ARHGAP6: variants seen among roughly 807,000 people sequenced by gnomAD.
The protein encoded by ARHGAP6 is Rho GTPase activating protein 6.
ARHGAP6 carries 16 observed loss-of-function variants against 55.7 expected under a neutral mutation model. The observed-to-expected ratio is 0.29, with a 90% CI of 0.19 to 0.44. The LOEUF is 0.44. Among genes scored for constraint, ARHGAP6 ranks in the 20% least tolerant of loss-of-function variants. The probability of loss-of-function intolerance (pLI) is 1.00; values close to 1 mark genes in which losing one functional copy is unlikely to be tolerated. For synonymous variants in ARHGAP6, 382 were observed against 360.9 expected (o/e 1.06, Z -0.66); for missense variants, 698 against 808.9 (o/e 0.86, Z 1.66).
At position 11,254,845 on chromosome X, in the gene ARHGAP6, T is replaced by C. The variant is rs1452486728; in HGVS notation, c.589-138A>G. The C allele has an allele frequency of 4.1e-6, 3 of 739,054 alleles. No individual in the cohort carries two copies. In the Admixed American group the frequency reaches 1.2e-4, roughly 30 times the overall value. 60.9% of individuals were successfully genotyped at this position (739,054 alleles called of 1,213,427 possible). A position where few individuals can be genotyped will look rare whatever the true frequency, so the allele number is the denominator to read the frequency against. On this transcript the variant is annotated intron_variant, in intron 1 of 12. Transcript: ENST00000337414. ...CAAAATTGGGTCTCAATTCCCAAAG[T>C]CAAATCCTCTTTTAGTTCACTGTGG...
At chrX:11,216,683 G>A (rs1383331419) in intron 2 of ARHGAP6, among the ~76,000 whole-genome samples, 2 of 108,957 alleles carry the variant, frequency 1.8e-5, no homozygotes, top group African/African-American at 6.8e-5. Context: ...ATGGCATTTT[G>A]TGTAGCATTA....
chrX:11,492,733 AT>A (rs200153252), intron 1 of ARHGAP6, among the ~76,000 whole-genome samples: 20,217 of 111,611 alleles, frequency 0.18, 1,408 homozygotes, highest in Middle Eastern at 0.28. Context: ...GAGAGAAAGA[AT>A]GAACTAGATG....
intron 1 of ARHGAP6, among the ~76,000 whole-genome samples, chrX:11,277,313 C>G (rs1002954707): frequency 2.7e-5 from 3 of 111,228 alleles, no homozygotes; most frequent in Admixed American, 1.9e-4. Flanking sequence ...CACATTTTGA[C>G]TGGTATGAAT....
chrX:11,634,065 T>C (rs2052389924), intron 1 of ARHGAP6, among the ~76,000 whole-genome samples: 1 of 108,164 alleles, frequency 9.2e-6, no homozygotes, highest in Non-Finnish European at 1.9e-5. Context: ...GTTTAAGCCA[T>C]GTGCTTGGCT....
At chrX:11,423,295 A>C (rs2049844192) in intron 1 of ARHGAP6, among the ~76,000 whole-genome samples, 1 of 112,682 alleles carries the variant, frequency 8.9e-6, no homozygotes, top group Admixed American at 9.3e-5. Flanking sequence ...ATTCAATACC[A>C]CTCAATTATT....
intron 1 of ARHGAP6, among the ~76,000 whole-genome samples, chrX:11,518,091 G>A (rs958997351): frequency 4.8e-4 from 53 of 111,071 alleles, no homozygotes; most frequent in African/African-American, 1.6e-3. Context: ...CCTTACCCAC[G>A]CACTCATCCA....
chrX:11,437,663 C>T (rs2050000178), intron 1 of ARHGAP6, among the ~76,000 whole-genome samples: 1 of 112,074 alleles, frequency 8.9e-6, no homozygotes, highest in African/African-American at 3.2e-5. Flanking sequence ...AAACTTTGTC[C>T]CGCCTTCGCC....
intron 8 of ARHGAP6, among the ~76,000 whole-genome samples, chrX:11,176,232 C>CATATATATATATATATATATATAT (rs746195419): frequency 4.2e-5 from 1 of 23,917 alleles, no homozygotes; most frequent in African/African-American, 1.5e-4. Flanking sequence ...AGAGGATTTG[C>CATATATATATATATATATATATAT]ATATATATAT....
At chrX:11,469,501 T>C (rs2050327367) in intron 1 of ARHGAP6, among the ~76,000 whole-genome samples, 1 of 111,883 alleles carries the variant, frequency 8.9e-6, no homozygotes, top group South Asian at 3.8e-4. Context: ...AATGCTGACA[T>C]AGTCTCCTGA....
intron 1 of ARHGAP6, among the ~76,000 whole-genome samples, chrX:11,459,612 T>C (rs2050224664): frequency 8.9e-6 from 1 of 112,061 alleles, no homozygotes; most frequent in Non-Finnish European, 1.9e-5. Flanking sequence ...TTCATCCATT[T>C]GTACACTTGA....
At chrX:11,554,057 G>T (rs923709415) in intron 1 of ARHGAP6, among the ~76,000 whole-genome samples, 3 of 112,300 alleles carry the variant, frequency 2.7e-5, no homozygotes, top group Non-Finnish European at 5.6e-5. Flanking sequence ...CCTGTTCAAT[G>T]AATGGATAAA....
chrX:11,625,310 T>C (rs1159458018), intron 1 of ARHGAP6, among the ~76,000 whole-genome samples: 2 of 85,589 alleles, frequency 2.3e-5, no homozygotes, highest in Non-Finnish European at 5.5e-5. Flanking sequence ...TGTGTGTGTG[T>C]ATATGTATAT....
intron 1 of ARHGAP6, among the ~76,000 whole-genome samples, chrX:11,459,775 T>G (rs2050226459): frequency 1.8e-5 from 2 of 111,934 alleles, no homozygotes; most frequent in South Asian, 7.5e-4. Context: ...TTCTAATTCA[T>G]GGGCCAAGTG....
At position 11,316,964 on chromosome X, in the gene ARHGAP6, T is replaced by C. The variant is rs922389465; in HGVS notation, c.589-62257A>G. Among the ~76,000 whole-genome samples, 7 of 112,578 alleles carry C rather than the reference T, an allele frequency of 6.2e-5. No homozygotes were observed. In the South Asian group the frequency reaches 2.2e-3, roughly 36 times the overall value. On this transcript the variant is annotated intron_variant, in intron 1 of 12. Coordinates refer to ENST00000337414, the MANE Select transcript of ARHGAP6 (RefSeq NM_013427.3). Reference sequence around the variant, plus strand: ...CTTGCTAATAACAAAATAGTACTATTATATGACGGGTATTTATTGTTCTGG... The same window carrying C: ...CTTGCTAATAACAAAATAGTACTATCATATGACGGGTATTTATTGTTCTGG...
chrX:11,204,777 T>G (rs1457856864), intron 2 of ARHGAP6, among the ~76,000 whole-genome samples: 1 of 111,670 alleles, frequency 9.0e-6, no homozygotes, highest in Non-Finnish European at 1.9e-5. Flanking sequence ...AAACCTTCCA[T>G]TTGGTGGTTA....
In ARHGAP6 at chrX:11,186,306, G is replaced by A. The variant is rs1246329289; in HGVS notation, c.1203C>T (p.Leu401=). The A allele has an allele frequency of 1.7e-6, 2 of 1,210,041 alleles. No homozygotes were observed. Among genetic ancestry groups the A allele is most frequent in the Non-Finnish European group, 2.2e-6 (2 of 895,220 alleles). Reference sequence around the variant, plus strand: ...CCTGTCTGTAAATAGGATTCAGACTGAGTTTCTTATCTCTGGCTTTTTCCT... The same window carrying A: ...CCTGTCTGTAAATAGGATTCAGACTAAGTTTCTTATCTCTGGCTTTTTCCT... ...SKKEKARDKK[L]SLNPIYRQVP... The change falls in exon 5 of 13, where the codon CTC becomes CTT. Residue 401 remains leucine (L), a synonymous_variant. Transcript: ENST00000337414.
intron 1 of ARHGAP6, among the ~76,000 whole-genome samples, chrX:11,309,002 CTG>C (rs971782462): frequency 8.9e-6 from 1 of 111,893 alleles, no homozygotes; most frequent in Non-Finnish European, 1.9e-5. Context: ...GGCAGTGTGA[CTG>C]TCATTTGAAC....
intron 1 of ARHGAP6, among the ~76,000 whole-genome samples, chrX:11,585,292 T>C (rs184866157): frequency 1.8e-5 from 2 of 112,473 alleles, no homozygotes; most frequent in East Asian, 2.8e-4. Flanking sequence ...TTTGGGTATA[T>C]AGCCAGTACT....
At chrX:11,351,410 C>A (rs867497922) in intron 1 of ARHGAP6, 2 of 968,002 alleles carry the variant, frequency 2.1e-6, no homozygotes, top group African/African-American at 4.0e-5. Context: ...TGAGAACAGT[C>A]GACCCAAGTG....
Sources: allele counts gnomAD v4.1 joint callset (sites outside exome capture counted in the v4.1 genomes callset), GRCh38; gene constraint gnomAD v4.1.1; transcripts MANE v1.5; gene names NCBI Gene and HGNC (gene_info 2026-07-23, HGNC 2026-07-21).